Variants in FRMD3 observed in about 807,000 individuals in gnomAD.
FRMD3 encodes FERM domain containing 3.
Under a neutral mutation model 70.2 loss-of-function variants are expected in FRMD3, and 33 were observed. That is an observed-to-expected ratio of 0.47 (90% CI 0.36 to 0.63). The LOEUF (loss-of-function observed/expected upper bound fraction) is 0.63, where lower values mean the gene tolerates loss of function less well. Ranked by LOEUF, FRMD3 falls within the 20% of genes least tolerant of loss-of-function variation. The probability of loss-of-function intolerance (pLI) is 0.00; values close to 1 mark genes in which losing one functional copy is unlikely to be tolerated. For missense variants in FRMD3, 632 were observed against 711.4 expected, an observed-to-expected ratio of 0.89 and a Z score of 1.27; for synonymous variants, 279 against 255.9, an observed-to-expected ratio of 1.09 and a Z score of -0.86.
At chr9:83,511,690 C>G (rs1307705731) in intron 1 of FRMD3, among the ~76,000 whole-genome samples, 1 of 152,132 alleles carries the variant, frequency 6.6e-6, no homozygotes, top group Non-Finnish European at 1.5e-5. Context: ...CATTTCAGCA[C>G]AGTTTTCAGT....
rs189535888 is a variant in FRMD3 at position 83,259,103 on chromosome 9, G to A, written c.1196-10587C>T. Among the ~76,000 whole-genome samples, 8 of 152,306 alleles carry A rather than the reference G, an allele frequency of 5.3e-5. No homozygotes were observed. The East Asian group carries it at 5.8e-4, about 11-fold the overall frequency. On this transcript the variant is annotated intron_variant, in intron 13 of 13. Coordinates refer to ENST00000304195, the MANE Select transcript of FRMD3 (RefSeq NM_174938.6). ...ATTGGAGGGGCTAGTGTCATTTGAT[G>A]GGTAGGGGTCGGGGATGCCAGACAT... is the stretch of plus-strand genomic sequence containing the variant.
At chr9:83,572,085 C>T in the FRMD3 span, among the ~76,000 whole-genome samples, 2 of 152,046 alleles carry the variant, frequency 1.3e-5, no homozygotes, top group African/African-American at 4.8e-5. Flanking sequence ...ACTAGACTCA[C>T]AGAATTTTGC....
chr9:83,428,220 T>C (rs1301566933), intron 1 of FRMD3, among the ~76,000 whole-genome samples: 1 of 151,688 alleles, frequency 6.6e-6, no homozygotes, highest in Non-Finnish European at 1.5e-5. Flanking sequence ...GTACTAAAAA[T>C]ACAAAAAATT....
intron 5 of FRMD3, among the ~76,000 whole-genome samples, chr9:83,342,867 C>G: frequency 6.6e-6 from 1 of 152,162 alleles, no homozygotes; most frequent in Non-Finnish European, 1.5e-5. Context: ...ATACAATACC[C>G]ACATCCCTTC....
chr9:83,304,385 A>G (rs564386016), intron 10 of FRMD3, among the ~76,000 whole-genome samples: 37 of 152,300 alleles, frequency 2.4e-4, no homozygotes, highest in Admixed American at 2.4e-3. Flanking sequence ...CCCACCGCAC[A>G]GTATCCCCTG....
intron 13 of FRMD3, among the ~76,000 whole-genome samples, chr9:83,281,280 A>G (rs1242381946): frequency 6.6e-6 from 1 of 152,204 alleles, no homozygotes; most frequent in Admixed American, 6.5e-5. Context: ...CAATAGGTTT[A>G]GTAATATTTT....
chr9:83,299,832 C>T lies in FRMD3; in HGVS notation c.927-646G>A, dbSNP rs1354387561. Among the ~76,000 whole-genome samples, 5 of 152,232 alleles carry T rather than the reference C, an allele frequency of 3.3e-5. No individual in the cohort carries two copies. The East Asian group carries it at 9.6e-4, about 29-fold the overall frequency. On this transcript the variant is annotated intron_variant, in intron 10 of 13. Coordinates refer to ENST00000304195, the MANE Select transcript of FRMD3 (RefSeq NM_174938.6). ...TGCCCAGACAAGAACTGATTCAGCA[C>T]CTCTGAGCCCTACTCGTAAATAAGA...
chr9:83,503,075 A>C (rs1451697132), intron 1 of FRMD3, among the ~76,000 whole-genome samples: 1 of 152,204 alleles, frequency 6.6e-6, no homozygotes, highest in African/African-American at 2.4e-5. Context: ...ACTATTGGGA[A>C]GGGCAGAATT....
intron 3 of FRMD3, among the ~76,000 whole-genome samples, chr9:83,372,589 A>G (rs894600881): frequency 3.3e-5 from 5 of 152,062 alleles, no homozygotes; most frequent in African/African-American, 9.7e-5. Flanking sequence ...AGCAACCCTC[A>G]TAATCAAAAG....
At chr9:83,412,777 C>T (rs547888797) in intron 1 of FRMD3, among the ~76,000 whole-genome samples, 1 of 152,180 alleles carries the variant, frequency 6.6e-6, no homozygotes, top group Non-Finnish European at 1.5e-5. Context: ...GGTGGATAAC[C>T]TGAGGTCAGG....
chr9:83,248,594 C>CA, intron 13 of FRMD3, 78 bp from the exon 14 acceptor site: 7 of 1,420,252 alleles, frequency 4.9e-6, no homozygotes, highest in South Asian at 4.3e-5. Context: ...AACAGAAAAA[C>CA]AAAAAACTAA....
At chr9:83,401,448 A>G (rs11140066) in intron 1 of FRMD3, among the ~76,000 whole-genome samples, 53,076 of 151,862 alleles carry the variant, frequency 0.35, 10,180 homozygotes, top group East Asian at 0.49. Flanking sequence ...TAGATGAAAT[A>G]ATACAAATTA....
At chr9:83,481,730 T>C (rs1828571294) in intron 1 of FRMD3, among the ~76,000 whole-genome samples, 1 of 151,388 alleles carries the variant, frequency 6.6e-6, no homozygotes, top group Admixed American at 6.6e-5. Context: ...AAAAGAGGGG[T>C]CACCAAACTA....
chr9:83,561,494 C>A, the FRMD3 span, among the ~76,000 whole-genome samples: 1 of 152,188 alleles, frequency 6.6e-6, no homozygotes, highest in Non-Finnish European at 1.5e-5. Context: ...GCTGCAGTAA[C>A]AAATAGCCCT....
Position 83,335,704 on chromosome 9 carries a change from TA to T in FRMD3, c.473-66del, listed in dbSNP as rs1823555517. ...AAAACAATAACATGAGCAGGGTGCA[TA>T]TGGAGTGCCTCCTGCCATCCAAAAG... On this transcript the variant is annotated intron_variant, in intron 5 of 13. Coordinates refer to ENST00000304195, the MANE Select transcript of FRMD3 (RefSeq NM_174938.6). 2.1e-6 allele frequency: 3 copies of T among 1,422,316 alleles called. No individual in the cohort carries two copies. The Admixed American group carries it at 5.9e-5, about 28-fold the overall frequency. The allele number at this position is 1,422,316 out of a possible 1,614,324, so 88.1% of individuals were successfully genotyped here.
intron 12 of FRMD3, among the ~76,000 whole-genome samples, chr9:83,294,093 T>C (rs182223387): frequency 6.6e-5 from 10 of 152,330 alleles, no homozygotes; most frequent in Admixed American, 3.3e-4. Context: ...TAAACTCCAA[T>C]GTAATGGTAT....
intron 4 of FRMD3, among the ~76,000 whole-genome samples, chr9:83,343,900 G>A (rs540555577): frequency 6.6e-6 from 1 of 152,328 alleles, no homozygotes; most frequent in Non-Finnish European, 1.5e-5. Context: ...CTGTGACACG[G>A]GCAAGTCACC....
intron 1 of FRMD3, among the ~76,000 whole-genome samples, chr9:83,395,080 C>A (rs1055020168): frequency 2.6e-5 from 4 of 152,120 alleles, no homozygotes; most frequent in African/African-American, 4.8e-5. Flanking sequence ...TCTCACAGAT[C>A]TTAAAATCCT....
At chr9:83,368,798 G>T (rs1168739417) in intron 3 of FRMD3, among the ~76,000 whole-genome samples, 1 of 152,086 alleles carries the variant, frequency 6.6e-6, no homozygotes, top group Non-Finnish European at 1.5e-5. Flanking sequence ...TCCTTGACTA[G>T]ATATTTATCA....
Sources: gnomAD v4.1 joint callset for allele counts (sites outside exome capture counted in the v4.1 genomes callset) on GRCh38, gnomAD v4.1.1 for gene constraint, MANE v1.5 for transcripts, NCBI Gene and HGNC (gene_info 2026-07-23, HGNC 2026-07-21) for gene names.